Variants in NOS1 observed in about 807,000 individuals in gnomAD.
NOS1 encodes the protein nitric oxide synthase 1.
Under a neutral mutation model 164.5 loss-of-function variants are expected in NOS1, and 51 were observed. The ratio of observed to expected loss-of-function variants is 0.31; its 90% CI spans 0.25 to 0.39. The LOEUF is 0.39. NOS1 is among the 10% of genes least tolerant of loss of function. The probability of loss-of-function intolerance (pLI) is 1.00; values close to 1 mark genes in which losing one functional copy is unlikely to be tolerated. For synonymous variants in NOS1, 719 were observed against 745.8 expected (o/e 0.96, Z 0.59); for missense variants, 1,362 against 1,885.6 (o/e 0.72, Z 5.14).
At chr12:117,333,539 G>A (rs1041389822) in intron 1 of NOS1, among the ~76,000 whole-genome samples, 3 of 152,110 alleles carry the variant, frequency 2.0e-5, no homozygotes, top group Non-Finnish European at 2.9e-5. Context: ...ATGGGGGGGT[G>A]TGTGGGGGGG....
At chr12:117,307,345 T>C (rs1043170200) in intron 3 of NOS1, among the ~76,000 whole-genome samples, 2 of 151,880 alleles carry the variant, frequency 1.3e-5, no homozygotes, top group Non-Finnish European at 2.9e-5. Flanking sequence ...TGAAGAATGT[T>C]GTTAGGTGCT....
chr12:117,264,139 T>A (rs1486112624), intron 12 of NOS1, among the ~76,000 whole-genome samples, 165 bp from the exon 13 acceptor site: 1 of 26,708 alleles, frequency 3.7e-5, no homozygotes, highest in Admixed American at 4.7e-4. Flanking sequence ...GATGCGGGGT[T>A]GGGGGGAGGG....
chr12:117,361,026 G>A (rs947025082), intron 1 of NOS1, among the ~76,000 whole-genome samples: 1 of 152,166 alleles, frequency 6.6e-6, no homozygotes, highest in African/African-American at 2.4e-5. Flanking sequence ...GTTGGGACGC[G>A]CAGCAAAGCC....
chr12:117,255,484 C>T lies in NOS1; in HGVS notation c.2532-1730G>A, dbSNP rs191662400. Among the ~76,000 whole-genome samples, 25 of 152,292 alleles carry T rather than the reference C, an allele frequency of 1.6e-4. No homozygotes were observed. The East Asian group carries it at 2.3e-3, about 14-fold the overall frequency. On this transcript the variant is annotated intron_variant, in intron 16 of 28. Transcript: ENST00000317775. ...TAAGCTGGATGTTCTTTAAAGTTTT[C>T]GCTCCAGCATCAGGAAAGTTCTAAA...
chr12:117,345,101 G>A (rs569272934), intron 1 of NOS1, among the ~76,000 whole-genome samples: 7 of 147,644 alleles, frequency 4.7e-5, no homozygotes, highest in Admixed American at 6.9e-5. Context: ...GCACAATCTC[G>A]GCTCACTGCA....
chr12:117,293,637 T>C (rs929098956), intron 3 of NOS1, among the ~76,000 whole-genome samples: 2 of 151,828 alleles, frequency 1.3e-5, no homozygotes, highest in Non-Finnish European at 2.9e-5. Context: ...GCAAGTATTA[T>C]TACTTGTATT....
In NOS1 at chr12:117,209,738, T is replaced by C. The variant is rs1592912077; in HGVS notation, c.*5571A>G. On this transcript the variant is annotated 3_prime_UTR_variant, in exon 29 of 29. Transcript: ENST00000317775. ...TGCTTTCCACGGGTGAAAGTGTACC[T>C]GGGTCCTTACATTTGGGGAAGGGCA... The C allele has an allele frequency of 1.0e-6, 1 of 985,412 alleles. No homozygotes were observed. Among genetic ancestry groups the C allele is most frequent in the African/African-American group, 1.7e-5 (1 of 57,264 alleles). The allele number at this position is 985,412 out of a possible 1,614,324, so 61.0% of individuals were successfully genotyped here.
At chr12:117,288,247 G>T (rs201871145) in intron 4 of NOS1, 28 bp from the exon 5 acceptor site, 1 of 1,599,578 alleles carries the variant, frequency 6.3e-7, no homozygotes, top group Non-Finnish European at 8.5e-7. Flanking sequence ...TTGGGGTATT[G>T]CTTGGTTTTA....
chr12:117,343,189 G>A (rs976353040), intron 1 of NOS1, among the ~76,000 whole-genome samples: 3 of 150,832 alleles, frequency 2.0e-5, no homozygotes, highest in Non-Finnish European at 2.9e-5. Context: ...AATTAACTAC[G>A]ATTGTGCCAT....
chr12:117,278,203 C>A, intron 8 of NOS1, 105 bp from the exon 9 acceptor site: 1 of 1,292,414 alleles, frequency 7.7e-7, no homozygotes. Flanking sequence ...AAATGCAAGC[C>A]CCCAGGAGAC....
chr12:117,279,886 G>A (rs1040329610), intron 8 of NOS1, among the ~76,000 whole-genome samples: 3 of 152,222 alleles, frequency 2.0e-5, no homozygotes, highest in African/African-American at 7.2e-5. Context: ...AATGAAGTCG[G>A]CAGCCAGGAG....
At chr12:117,280,528 T>C (rs1873554287) in intron 8 of NOS1, among the ~76,000 whole-genome samples, 197 bp downstream of exon 8, 1 of 152,200 alleles carries the variant, frequency 6.6e-6, no homozygotes, top group South Asian at 2.1e-4. Flanking sequence ...AGTGAGGTAA[T>C]GGCATGAAAG....
In NOS1 at chr12:117,211,759, C is replaced by T; in HGVS notation, c.*3550G>A. 3.0e-6 allele frequency: 3 copies of T among 985,466 alleles called. No homozygotes were observed. The highest frequency in any genetic ancestry group is 3.6e-6 in the Non-Finnish European group (3 of 829,978). The allele number at this position is 985,466 out of a possible 1,614,324, so 61.0% of individuals were successfully genotyped here. A position where few individuals can be genotyped will look rare whatever the true frequency, so the allele number is the denominator to read the frequency against. On this transcript the variant is annotated 3_prime_UTR_variant, in exon 29 of 29. Coordinates refer to ENST00000317775, the MANE Select transcript of NOS1 (RefSeq NM_000620.5). The stretch of plus-strand genomic sequence containing the variant: ...TTTATGTCAGTTCCAAGACGGGTGT[C>T]TCTCTCCATCAGATTATAACCTTTG...
At position 117,214,085 on chromosome 12, in the gene NOS1, C is replaced by T. The variant is rs766898679; in HGVS notation, c.*1224G>A. 1.4e-5 allele frequency: 14 copies of T among 985,278 alleles called. No individual in the cohort carries two copies. The highest frequency in any genetic ancestry group is 1.4e-5 in the Non-Finnish European group (12 of 829,946). 61.0% of individuals were successfully genotyped at this position (985,278 alleles called of 1,614,324 possible). A position where few individuals can be genotyped will look rare whatever the true frequency, so the allele number is the denominator to read the frequency against. ...TCCCACCCCAAGTTGTGGCTCCTAT[C>T]GAAGAAGCCACGTGGGACCTCATTA... On this transcript the variant is annotated 3_prime_UTR_variant, in exon 29 of 29. Coordinates refer to ENST00000317775, the MANE Select transcript of NOS1 (RefSeq NM_000620.5).
chr12:117,290,522 G>A, intron 3 of NOS1, 96 bp from the exon 4 acceptor site: 1 of 1,435,586 alleles, frequency 7.0e-7, no homozygotes, highest in Non-Finnish European at 9.4e-7. Context: ...TTCTTCCTGG[G>A]ATCTGCCTTG....
intron 3 of NOS1, among the ~76,000 whole-genome samples, chr12:117,306,938 A>G (rs11068444): frequency 0.13 from 19,141 of 152,168 alleles, 1,476 homozygotes; most frequent in East Asian, 0.27. Context: ...CTTTTACTAT[A>G]ATGCCTGTTT....
chr12:117,235,319 G>C (rs550516130), intron 20 of NOS1, among the ~76,000 whole-genome samples: 24 of 152,114 alleles, frequency 1.6e-4, no homozygotes, highest in South Asian at 4.1e-4. Flanking sequence ...AGCAGTATTG[G>C]GCATAACTCC....
At chr12:117,246,911 A>G (rs816354) in intron 18 of NOS1, among the ~76,000 whole-genome samples, 11,491 of 152,198 alleles carry the variant, frequency 0.076, 467 homozygotes, top group East Asian at 0.078. Flanking sequence ...TTAAATTTAA[A>G]TGGCTATGTG....
Position 117,213,551 on chromosome 12 carries a change from T to C in NOS1, c.*1758A>G, listed in dbSNP as rs1321698818. On this transcript the variant is annotated 3_prime_UTR_variant, in exon 29 of 29. Coordinates refer to ENST00000317775, the MANE Select transcript of NOS1 (RefSeq NM_000620.5). ...TGAGTCATAGATTGCCTTTTCACTTTAACAGTCTCCTGGCCTGGGCCCTTT... is the reference window on the plus strand; with the variant it reads ...TGAGTCATAGATTGCCTTTTCACTTCAACAGTCTCCTGGCCTGGGCCCTTT... 1.0e-6 allele frequency: 1 copy of C among 985,464 alleles called. No homozygotes were observed. The highest frequency in any genetic ancestry group is 1.2e-6 in the Non-Finnish European group (1 of 829,958). The allele number at this position is 985,464 out of a possible 1,614,324, so 61.0% of individuals were successfully genotyped here.
Sources: allele counts gnomAD v4.1 joint callset (sites outside exome capture counted in the v4.1 genomes callset), GRCh38; gene constraint gnomAD v4.1.1; transcripts MANE v1.5; gene names NCBI Gene and HGNC (gene_info 2026-07-23, HGNC 2026-07-21).